ZFPM2: variants seen among roughly 807,000 people sequenced by gnomAD.
ZFPM2 encodes the protein zinc finger protein, FOG family member 2.
ZFPM2 carries 20 observed loss-of-function variants against 98.6 expected under a neutral mutation model. The observed-to-expected ratio is 0.20, with a 90% confidence interval of 0.14 to 0.29. ZFPM2 has a LOEUF of 0.29. Ranked by LOEUF, ZFPM2 falls within the 10% of genes least tolerant of loss-of-function variation. The pLI is 1.00. For synonymous variants in ZFPM2, 518 were observed against 502.7 expected, an observed-to-expected ratio of 1.03 and a Z score of -0.41; for missense variants, 1,310 against 1,388.6, an observed-to-expected ratio of 0.94 and a Z score of 0.90.
At chr8:105,537,495 G>A (rs1431568160) in intron 3 of ZFPM2, among the ~76,000 whole-genome samples, 8 of 152,042 alleles carry the variant, frequency 5.3e-5, no homozygotes. Context: ...GGACAACATA[G>A]CAAAACCCTA....
At position 105,803,051 on chromosome 8, in the gene ZFPM2, G is replaced by A. The variant is rs201707218; in HGVS notation, c.2969G>A (p.Ser990Asn). The A allele has an allele frequency of 2.8e-4, 445 of 1,613,556 alleles. 1 individual carries two copies. Among genetic ancestry groups the A allele is most frequent in the Non-Finnish European group, 3.4e-4 (403 of 1,179,780 alleles). The change falls in exon 8 of 8, where the codon AGT (serine) becomes AAT (asparagine). Residue 990 changes from serine to asparagine, a missense_variant. Ser to Asn is a conservative substitution (Grantham distance 46). Coordinates refer to ENST00000407775, the MANE Select transcript of ZFPM2 (RefSeq NM_012082.4). ...QLSPYYGIKP[S>N]DYISGSLVIH... is the part of the protein sequence containing the mutation. Reference sequence around the variant, plus strand: ...TCTCCATATTATGGAATCAAGCCAAGTGATTATATTTCTGGTTCTCTTGTC... The same window carrying A: ...TCTCCATATTATGGAATCAAGCCAAATGATTATATTTCTGGTTCTCTTGTC...
chr8:105,777,542 G>A (rs1049776958), intron 5 of ZFPM2, among the ~76,000 whole-genome samples: 9 of 152,138 alleles, frequency 5.9e-5, no homozygotes, highest in African/African-American at 2.2e-4. Context: ...ATAAAAAGCT[G>A]TCAGGAGTGC....
intron 3 of ZFPM2, among the ~76,000 whole-genome samples, chr8:105,478,761 T>C (rs977027516): frequency 2.0e-5 from 3 of 152,170 alleles, no homozygotes; most frequent in African/African-American, 7.2e-5. Flanking sequence ...CTCTGGTCAT[T>C]CTGCTGACCA....
chr8:105,524,437 C>G (rs1814128428), intron 3 of ZFPM2, among the ~76,000 whole-genome samples: 1 of 151,878 alleles, frequency 6.6e-6, no homozygotes, highest in African/African-American at 2.4e-5. Context: ...CCCTGGCAAT[C>G]ATAGAAACAT....
chr8:105,571,482 A>G (rs1384300255), intron 4 of ZFPM2, among the ~76,000 whole-genome samples: 1 of 152,228 alleles, frequency 6.6e-6, no homozygotes, highest in Admixed American at 6.5e-5. Flanking sequence ...AGAGTTGTTC[A>G]TGGAGTTGAC....
intron 5 of ZFPM2, among the ~76,000 whole-genome samples, chr8:105,735,987 T>G (rs1340620103): frequency 1.3e-5 from 2 of 151,956 alleles, no homozygotes; most frequent in Admixed American, 6.6e-5. Flanking sequence ...TATGGGAAAT[T>G]TTGCTTGTGA....
intron 5 of ZFPM2, among the ~76,000 whole-genome samples, chr8:105,743,181 G>T (rs1812261640): frequency 1.3e-5 from 2 of 151,984 alleles, no homozygotes; most frequent in African/African-American, 2.4e-5. Context: ...ATTCTTGAGA[G>T]TAACAGCTAG....
intron 4 of ZFPM2, among the ~76,000 whole-genome samples, chr8:105,614,933 A>G (rs980992881): frequency 7.2e-5 from 11 of 152,300 alleles, no homozygotes; most frequent in Middle Eastern, 3.4e-3. Context: ...AGATTTTACT[A>G]TCAACTGGCC....
At chr8:105,790,928 G>C (rs1380246157) in intron 6 of ZFPM2, among the ~76,000 whole-genome samples, 1 of 152,132 alleles carries the variant, frequency 6.6e-6, no homozygotes, top group African/African-American at 2.4e-5. Flanking sequence ...TGTGATTTTT[G>C]TACATTGATT....
chr8:105,687,694 C>T (rs1449323457), intron 5 of ZFPM2, among the ~76,000 whole-genome samples: 6 of 152,084 alleles, frequency 3.9e-5, no homozygotes, highest in Middle Eastern at 6.8e-3. Flanking sequence ...AAATGGATAT[C>T]AAAATCTAAA....
At chr8:105,747,009 GA>G (rs570043606) in intron 5 of ZFPM2, among the ~76,000 whole-genome samples, 127 of 151,824 alleles carry the variant, frequency 8.4e-4, no homozygotes, top group Non-Finnish European at 1.6e-3. Context: ...AACACTGGGG[GA>G]AAAAAACTTC....
intron 3 of ZFPM2, among the ~76,000 whole-genome samples, chr8:105,523,833 C>T (rs971529688): frequency 4.6e-5 from 7 of 152,106 alleles, no homozygotes; most frequent in Admixed American, 1.3e-4. Flanking sequence ...ATAGCCTCAG[C>T]ATCAACTGAG....
chr8:105,588,318 C>T (rs796665694), intron 4 of ZFPM2, among the ~76,000 whole-genome samples: 16 of 151,888 alleles, frequency 1.1e-4, no homozygotes, highest in Admixed American at 2.6e-4. Flanking sequence ...AAAATACTCA[C>T]GGTTTATGGA....
chr8:105,449,542 A>G (rs985590208), intron 3 of ZFPM2, among the ~76,000 whole-genome samples: 1 of 152,032 alleles, frequency 6.6e-6, no homozygotes, highest in African/African-American at 2.4e-5. Flanking sequence ...CATTTTTTGT[A>G]TTATACATTT....
At chr8:105,604,705 C>T (rs1047748831) in intron 4 of ZFPM2, among the ~76,000 whole-genome samples, 4 of 152,080 alleles carry the variant, frequency 2.6e-5, no homozygotes, top group African/African-American at 9.7e-5. Flanking sequence ...ATGGCTCACT[C>T]CTTGGCTTCA....
chr8:105,522,257 G>A (rs547353605), intron 3 of ZFPM2, among the ~76,000 whole-genome samples: 1 of 152,270 alleles, frequency 6.6e-6, no homozygotes, highest in Non-Finnish European at 1.5e-5. Context: ...TGTTTTGGAT[G>A]ATTTTATTAA....
intron 1 of ZFPM2, among the ~76,000 whole-genome samples, chr8:105,369,803 C>G (rs182804800): frequency 2.0e-5 from 3 of 151,968 alleles, no homozygotes; most frequent in African/African-American, 7.3e-5. Flanking sequence ...TTTATGTAAA[C>G]TACTTCATTG....
At chr8:105,385,490 T>C (rs927762733) in intron 1 of ZFPM2, among the ~76,000 whole-genome samples, 2 of 152,226 alleles carry the variant, frequency 1.3e-5, no homozygotes, top group African/African-American at 4.8e-5. Flanking sequence ...TAGAAATTCA[T>C]GGCCTGTGTT....
At chr8:105,780,238 A>T (rs1421437350) in intron 5 of ZFPM2, 3 of 152,220 alleles carry the variant, frequency 2.0e-5, no homozygotes, top group African/African-American at 7.2e-5. Context: ...ATTTGGTGGA[A>T]GCGAGGAAGG....
Sources: allele counts gnomAD v4.1 joint callset (sites outside exome capture counted in the v4.1 genomes callset), GRCh38; gene constraint gnomAD v4.1.1; transcripts MANE v1.5; gene names NCBI Gene and HGNC (gene_info 2026-07-23, HGNC 2026-07-21).